Variants in CACNA2D3 observed in about 807,000 individuals in gnomAD.
The protein encoded by CACNA2D3 is voltage-dependent calcium channel subunit alpha-2/delta-3.
In CACNA2D3, 60 loss-of-function variants were observed where a neutral mutation model predicts 160.6. The ratio of observed to expected loss-of-function variants is 0.37; its 90% confidence interval spans 0.30 to 0.46. The LOEUF (loss-of-function observed/expected upper bound fraction) is 0.46. Ranked by LOEUF, CACNA2D3 falls within the 20% of genes least tolerant of loss-of-function variation. The pLI is 1.00. For synonymous variants in CACNA2D3, 558 were observed against 492.9 expected, an observed-to-expected ratio of 1.13 and a Z score of -1.75; for missense variants, 1,205 against 1,365.0, an observed-to-expected ratio of 0.88 and a Z score of 1.85.
At chr3:54,139,642 G>C (rs866605249) in intron 2 of CACNA2D3, among the ~76,000 whole-genome samples, 1 of 152,198 alleles carries the variant, frequency 6.6e-6, no homozygotes, top group African/African-American at 2.4e-5. Flanking sequence ...TAGACAGTGA[G>C]TAAATTGGTA....
intron 2 of CACNA2D3, among the ~76,000 whole-genome samples, chr3:54,254,385 A>G (rs1425932587): frequency 6.6e-6 from 1 of 152,172 alleles, no homozygotes; most frequent in East Asian, 1.9e-4. Context: ...AACTCAGTCA[A>G]TTAGCTTCTG....
chr3:54,451,229 CT>C (rs71074970), intron 4 of CACNA2D3, among the ~76,000 whole-genome samples: 53 of 51,740 alleles, frequency 1.0e-3, no homozygotes, highest in African/African-American at 4.1e-3. Flanking sequence ...ATATAATAAT[CT>C]TTTTTTTTTT....
rs772904182 is a variant in CACNA2D3 at position 54,832,846 on chromosome 3, C to T, written c.1399-4313C>T. 2.0e-5 allele frequency among the ~76,000 whole-genome samples: 3 copies of T among 152,222 alleles called. 1 individual carries two copies. Among genetic ancestry groups the T allele is most frequent in the South Asian group, 4.2e-4 (2 of 4,810 alleles). ...TGGAACCTGGAACATAGCTGATGCTCGAGGAGTGTTTATTAAGGAAATCAA... is the reference window on the plus strand; with the variant it reads ...TGGAACCTGGAACATAGCTGATGCTTGAGGAGTGTTTATTAAGGAAATCAA... On this transcript the variant is annotated intron_variant, in intron 14 of 37. Coordinates refer to ENST00000474759, the MANE Select transcript of CACNA2D3 (RefSeq NM_018398.3).
chr3:54,446,621 C>T (rs1406846858), intron 4 of CACNA2D3, among the ~76,000 whole-genome samples: 2 of 151,848 alleles, frequency 1.3e-5, no homozygotes, highest in Non-Finnish European at 2.9e-5. Flanking sequence ...GGAGTACTGC[C>T]TCTTTTTGAT....
chr3:54,382,661 G>A (rs1018451040), intron 3 of CACNA2D3, among the ~76,000 whole-genome samples: 2 of 152,214 alleles, frequency 1.3e-5, no homozygotes, highest in African/African-American at 4.8e-5. Context: ...GCGCATGCCT[G>A]TAATCCCAGC....
chr3:55,022,939 C>T (rs1458791171), intron 35 of CACNA2D3, among the ~76,000 whole-genome samples: 9 of 151,876 alleles, frequency 5.9e-5, no homozygotes. Flanking sequence ...TTGCTGCTGC[C>T]TATAGTAAAT....
At chr3:54,927,226 A>G (rs1226551095) in intron 27 of CACNA2D3, among the ~76,000 whole-genome samples, 1 of 152,156 alleles carries the variant, frequency 6.6e-6, no homozygotes, top group South Asian at 2.1e-4. Flanking sequence ...TTCTCTACTG[A>G]GGCTAACAGT....
chr3:54,653,833 G>A (rs955510375), intron 11 of CACNA2D3, among the ~76,000 whole-genome samples: 7 of 152,134 alleles, frequency 4.6e-5, no homozygotes, highest in East Asian at 1.9e-4. Flanking sequence ...CAGGTGCTGC[G>A]GACCTCAGAA....
chr3:54,252,100 G>GTT (rs548233026), intron 2 of CACNA2D3, among the ~76,000 whole-genome samples: 13 of 121,012 alleles, frequency 1.1e-4, no homozygotes, highest in African/African-American at 2.1e-4. Context: ...TGCAGAGCTA[G>GTT]TTTTTTTTTT....
At chr3:54,587,031 A>C (rs1220186955) in intron 9 of CACNA2D3, among the ~76,000 whole-genome samples, 2 of 152,094 alleles carry the variant, frequency 1.3e-5, no homozygotes, top group Admixed American at 6.5e-5. Flanking sequence ...GTTAGGGGAG[A>C]AATTTATAGC....
intron 4 of CACNA2D3, among the ~76,000 whole-genome samples, chr3:54,454,261 T>C (rs982808928): frequency 1.3e-5 from 2 of 152,162 alleles, no homozygotes; most frequent in Admixed American, 1.3e-4. Flanking sequence ...ACACTTTAAG[T>C]GTACAATTTG....
chr3:54,284,199 A>G (rs1278188982), intron 2 of CACNA2D3, among the ~76,000 whole-genome samples: 1 of 152,204 alleles, frequency 6.6e-6, no homozygotes, highest in East Asian at 1.9e-4. Context: ...GCACACCAAC[A>G]TGGCACATGT....
At chr3:54,601,676 T>G (rs1703063184) in intron 9 of CACNA2D3, among the ~76,000 whole-genome samples, 8 of 151,940 alleles carry the variant, frequency 5.3e-5, no homozygotes, top group Admixed American at 5.2e-4. Flanking sequence ...CAACCCCAAA[T>G]CTTATACCCC....
At chr3:54,985,374 A>G (rs1702592376) in intron 30 of CACNA2D3, among the ~76,000 whole-genome samples, 1 of 152,234 alleles carries the variant, frequency 6.6e-6, no homozygotes, top group Non-Finnish European at 1.5e-5. Flanking sequence ...TTTCCATTCA[A>G]ATTTTCTGCA....
intron 2 of CACNA2D3, among the ~76,000 whole-genome samples, chr3:54,214,720 C>T (rs376284018): frequency 8.2e-4 from 125 of 152,134 alleles, no homozygotes; most frequent in African/African-American, 2.9e-3. Context: ...TCTGATATAT[C>T]CCTGTCCTGT....
intron 35 of CACNA2D3, among the ~76,000 whole-genome samples, chr3:55,038,839 T>C (rs1227553157): frequency 1.4e-5 from 2 of 140,404 alleles, no homozygotes; most frequent in African/African-American, 5.2e-5. Flanking sequence ...GAAATAATGC[T>C]AAGATAAGTG....
At chr3:54,412,583 T>C (rs1000795160) in intron 4 of CACNA2D3, among the ~76,000 whole-genome samples, 2 of 146,496 alleles carry the variant, frequency 1.4e-5, no homozygotes, top group Admixed American at 6.8e-5. Context: ...CCTTTACTTA[T>C]AACCTGTCTG....
At chr3:54,253,115 T>TC in intron 2 of CACNA2D3, among the ~76,000 whole-genome samples, 1 of 152,240 alleles carries the variant, frequency 6.6e-6, no homozygotes, top group Admixed American at 6.5e-5. Context: ...CTCTTTTTTT[T>TC]TTTTTTTGCT....
chr3:54,379,529 T>C (rs1699065232), intron 3 of CACNA2D3, among the ~76,000 whole-genome samples: 1 of 152,268 alleles, frequency 6.6e-6, no homozygotes, highest in Non-Finnish European at 1.5e-5. Context: ...GTTGGCTTTC[T>C]TCTTGTCTAA....
Sources: allele counts gnomAD v4.1 joint callset (sites outside exome capture counted in the v4.1 genomes callset), GRCh38; gene constraint gnomAD v4.1.1; transcripts MANE v1.5; gene names NCBI Gene and HGNC (gene_info 2026-07-23, HGNC 2026-07-21).